AUTS2: variants seen among roughly 807,000 people sequenced by gnomAD.
AUTS2 encodes activator of transcription and developmental regulator AUTS2, also known as autism susceptibility gene 2 protein.
AUTS2 carries 17 observed loss-of-function variants against 112.4 expected under a neutral mutation model. The observed-to-expected ratio is 0.15, with a 90% CI of 0.10 to 0.23. The LOEUF is 0.23. AUTS2 is among the 10% of genes least tolerant of loss of function. AUTS2 has a pLI of 1.00. For synonymous variants in AUTS2, 751 were observed against 702.7 expected, an observed-to-expected ratio of 1.07 and a Z score of -1.09; for missense variants, 1,510 against 1,701.6, an observed-to-expected ratio of 0.89 and a Z score of 1.98.
chr7:70,384,300 T>G (rs1793511047), intron 4 of AUTS2, among the ~76,000 whole-genome samples: 1 of 152,234 alleles, frequency 6.6e-6, no homozygotes, highest in South Asian at 2.1e-4. Flanking sequence ...CACTGACTGT[T>G]GTTTCAGCAC....
At chr7:69,631,446 G>A (rs1476405164) in intron 1 of AUTS2, among the ~76,000 whole-genome samples, 1 of 152,204 alleles carries the variant, frequency 6.6e-6, no homozygotes, top group African/African-American at 2.4e-5. Flanking sequence ...AAGGGATATG[G>A]AAAATAGTTA....
intron 4 of AUTS2, among the ~76,000 whole-genome samples, chr7:70,366,936 G>A (rs1400171241): frequency 6.6e-6 from 1 of 152,100 alleles, no homozygotes; most frequent in Non-Finnish European, 1.5e-5. Context: ...ACATCCAAGT[G>A]GAGAACTTTG....
At chr7:70,053,601 G>A (rs113197558) in intron 2 of AUTS2, among the ~76,000 whole-genome samples, 3,595 of 145,620 alleles carry the variant, frequency 0.025, 61 homozygotes, top group Middle Eastern at 0.064. Context: ...GTGAAGTGAT[G>A]AGATCATGGC....
At chr7:70,693,557 C>A (rs917096631) in intron 5 of AUTS2, among the ~76,000 whole-genome samples, 40 of 152,194 alleles carry the variant, frequency 2.6e-4, no homozygotes, top group African/African-American at 9.7e-4. Flanking sequence ...TAGGTGAAGA[C>A]CTTTGTGTCT....
intron 2 of AUTS2, among the ~76,000 whole-genome samples, chr7:70,114,240 A>C (rs909366136): frequency 1.3e-5 from 2 of 152,250 alleles, no homozygotes; most frequent in Admixed American, 6.5e-5. Context: ...GTCCTGAAGT[A>C]TGTAAAGGCT....
intron 4 of AUTS2, among the ~76,000 whole-genome samples, chr7:70,386,840 C>G (rs138007382): frequency 3.3e-4 from 51 of 152,292 alleles, no homozygotes; most frequent in African/African-American, 1.2e-3. Context: ...ACATCATTAT[C>G]AAGTCACCTC....
chr7:70,663,270 C>T (rs1174396233), intron 5 of AUTS2, among the ~76,000 whole-genome samples: 1 of 152,212 alleles, frequency 6.6e-6, no homozygotes, highest in Non-Finnish European at 1.5e-5. Context: ...TGGTACACAC[C>T]TGTAATCCCA....
chr7:70,485,643 C>T (rs1472245829), intron 5 of AUTS2, among the ~76,000 whole-genome samples: 1 of 142,888 alleles, frequency 7.0e-6, no homozygotes, highest in African/African-American at 2.6e-5. Flanking sequence ...AATTTCTGAA[C>T]CCTTCAAAAA....
chr7:70,751,471 C>T (rs552549462), intron 6 of AUTS2, among the ~76,000 whole-genome samples: 2 of 152,114 alleles, frequency 1.3e-5, no homozygotes, highest in African/African-American at 4.8e-5. Flanking sequence ...TATTCAGTGC[C>T]TTGGTCTCAC....
At chr7:70,009,567 C>A (rs1161256297) in intron 2 of AUTS2, among the ~76,000 whole-genome samples, 1 of 152,210 alleles carries the variant, frequency 6.6e-6, no homozygotes, top group Non-Finnish European at 1.5e-5. Context: ...TGAAGTATTG[C>A]ATTTTTCCTC....
chr7:70,501,415 T>C (rs1798768711), intron 5 of AUTS2, among the ~76,000 whole-genome samples: 1 of 152,144 alleles, frequency 6.6e-6, no homozygotes, highest in Non-Finnish European at 1.5e-5. Flanking sequence ...GCTTCCCTTG[T>C]AGCTCAAAGA....
chr7:69,667,627 A>T (rs1271813700), intron 1 of AUTS2, among the ~76,000 whole-genome samples: 2 of 152,112 alleles, frequency 1.3e-5, no homozygotes, highest in African/African-American at 2.4e-5. Context: ...AAGTGCTAGG[A>T]TTACAGGTGT....
rs547997591 is a variant in AUTS2 at position 70,702,876 on chromosome 7, G to A, written c.742+4256G>A. On this transcript the variant is annotated intron_variant, in intron 6 of 18. Coordinates refer to ENST00000342771, the MANE Select transcript of AUTS2 (RefSeq NM_015570.4). Reference sequence around the variant, plus strand: ...ACACACCCGGCCTCTTCTTGGGGTTGGTTTTGCACTGAGAATTTCCGGTGG... The same window carrying A: ...ACACACCCGGCCTCTTCTTGGGGTTAGTTTTGCACTGAGAATTTCCGGTGG... Among the ~76,000 whole-genome samples the A allele has an allele frequency of 3.9e-5, 6 of 152,294 alleles. No individual in the cohort carries two copies. The East Asian group carries it at 5.8e-4, about 15-fold the overall frequency.
At chr7:70,363,913 G>C (rs1001939518) in intron 4 of AUTS2, among the ~76,000 whole-genome samples, 9 of 152,146 alleles carry the variant, frequency 5.9e-5, no homozygotes, top group African/African-American at 2.2e-4. Flanking sequence ...TTTATGCTAT[G>C]TTTTATTATT....
intron 2 of AUTS2, among the ~76,000 whole-genome samples, chr7:69,986,233 T>G (rs963433596): frequency 6.6e-6 from 1 of 152,242 alleles, no homozygotes; most frequent in African/African-American, 2.4e-5. Context: ...TTAGGGATGT[T>G]ATTAACTGTT....
intron 1 of AUTS2, among the ~76,000 whole-genome samples, chr7:69,667,944 CTGAT>C (rs1268861963): frequency 6.6e-6 from 1 of 152,196 alleles, no homozygotes; most frequent in Non-Finnish European, 1.5e-5. Flanking sequence ...ACTTGTTTTT[CTGAT>C]GCAACAAGCA....
chr7:69,799,661 C>T (rs763956342), intron 1 of AUTS2, among the ~76,000 whole-genome samples: 2 of 152,166 alleles, frequency 1.3e-5, no homozygotes, highest in Non-Finnish European at 2.9e-5. Context: ...CTATAACCTG[C>T]ATAATCATAC....
At chr7:70,713,163 T>C (rs1350158181) in intron 6 of AUTS2, among the ~76,000 whole-genome samples, 1 of 152,204 alleles carries the variant, frequency 6.6e-6, no homozygotes, top group Non-Finnish European at 1.5e-5. Flanking sequence ...AAAGACAAAC[T>C]GTTCCATCGA....
Position 69,928,760 on chromosome 7 carries a change from C to G in AUTS2, c.522+29262C>G, listed in dbSNP as rs192059016. Among the ~76,000 whole-genome samples, 376 of 152,228 alleles carry G rather than the reference C, an allele frequency of 2.5e-3. 2 individuals are homozygous for G. The highest frequency in any genetic ancestry group is 8.6e-3 in the African/African-American group (356 of 41,554). On this transcript the variant is annotated intron_variant, in intron 2 of 18. Transcript: ENST00000342771. ...TGGATGCTTGGGTCTGTAGCCACAT[C>G]TAGGCAGCTGCAGCTGCAGCTGCAC...
Sources: gnomAD v4.1 joint callset for allele counts (sites outside exome capture counted in the v4.1 genomes callset) on GRCh38, gnomAD v4.1.1 for gene constraint, MANE v1.5 for transcripts, NCBI Gene and HGNC (gene_info 2026-07-23, HGNC 2026-07-21) for gene names.